LTF: variants seen among roughly 807,000 people sequenced by gnomAD.
LTF encodes lactotransferrin, also known as epididymis luminal protein 110.
LTF carries 91 observed loss-of-function variants against 87.2 expected under a neutral mutation model. The observed-to-expected ratio is 1.04, with a 90% CI of 0.88 to 1.24. The LOEUF is 1.24. Ranked by LOEUF, LTF falls within the 50% of genes most tolerant of loss-of-function variation. The pLI, the probability that LTF is intolerant of heterozygous loss-of-function variation, is 0.00. For missense variants in LTF, 901 were observed against 904.3 expected (o/e 1.00, Z 0.05); for synonymous variants, 378 against 356.1 (o/e 1.06, Z -0.69).
At chr3:46,483,190 G>C (rs1403372271) in intron 1 of LTF, among the ~76,000 whole-genome samples, 1 of 152,176 alleles carries the variant, frequency 6.6e-6, no homozygotes, top group Admixed American at 6.5e-5. Flanking sequence ...AAATCAGAAT[G>C]GGGGAAAATT....
chr3:46,456,321 A>G lies in LTF; in HGVS notation c.285T>C (p.Pro95=). ...EAGLAPYKLR[P]VAAEVYGTER... ...CGGTCCCGTAGACTTCCGCCGCTAC[A>G]GGTCGCAGTTTGTAGGGGGCCAGGC... The change falls in exon 3 of 17, where the codon CCT becomes CCC. Residue 95 remains proline, a synonymous_variant. Transcript: ENST00000231751. 7.4e-6 allele frequency: 12 copies of G among 1,614,118 alleles called. No individual in the cohort carries two copies. The highest frequency in any genetic ancestry group is 1.0e-5 in the Non-Finnish European group (12 of 1,180,002).
At position 46,441,176 on chromosome 3, in the gene LTF, A is replaced by AGTGTGT. The variant is rs35012752; in HGVS notation, c.1723+234_1723+239dup. ...GCTAGTATCTGTGTGTGTGAGAGTG[A>AGTGTGT]GTGTGTGTGTGTGTGTGAGAGAAAG... On this transcript the variant is annotated intron_variant, in intron 14 of 16. Coordinates refer to ENST00000231751, the MANE Select transcript of LTF (RefSeq NM_002343.6). Among the ~76,000 whole-genome samples the AGTGTGT allele has an allele frequency of 4.8e-3, 698 of 145,076 alleles. 5 individuals are homozygous for AGTGTGT. The highest frequency in any genetic ancestry group is 0.016 in the African/African-American group (642 of 40,430).
upstream of LTF, among the ~76,000 whole-genome samples, chr3:46,465,853 C>T (rs1703200890): frequency 6.6e-6 from 1 of 152,226 alleles, no homozygotes; most frequent in East Asian, 1.9e-4. Context: ...AAACATCCAT[C>T]TCTAGGGGAG....
At chr3:46,456,059 G>A in intron 3 of LTF, 81 bp from the exon 4 acceptor site, 1 of 1,282,116 alleles carries the variant, frequency 7.8e-7, no homozygotes, top group South Asian at 1.5e-5. Context: ...AGTCTCCGGT[G>A]GGAAGGGGGA....
chr3:46,452,109 A>G (rs965057672), intron 6 of LTF, among the ~76,000 whole-genome samples: 5 of 152,238 alleles, frequency 3.3e-5, no homozygotes, highest in Non-Finnish European at 4.4e-5. Flanking sequence ...TAAAAAGATG[A>G]TATCGTCATC....
At position 46,449,861 on chromosome 3, in the gene LTF, C is replaced by A. The variant is rs377433274; in HGVS notation, c.1050G>T (p.Leu350Phe). The A allele has an allele frequency of 4.3e-6, 7 of 1,613,946 alleles. No individual in the cohort carries two copies. In the African/African-American group the frequency reaches 9.3e-5, roughly 22 times the overall value. Residue 350 changes from leucine (L) to phenylalanine (F), a missense_variant, in exon 8 of 17, where the codon TTG becomes TTT. Physicochemically the swap from Leu to Phe is conservative, Grantham distance 22. Coordinates refer to ENST00000231751, the MANE Select transcript of LTF (RefSeq NM_002343.6). ...GSGYFTAIQNLRKSEEEVAAR... is the reference protein window; with the variant it reads ...GSGYFTAIQNFRKSEEEVAAR... ...CCTCCTGGGCTCACTCACTTTTCCT[C>A]AAGTTCTGGATGGCAGTGAAGTAGC...
chr3:46,445,511 T>TA (rs1702631879), intron 11 of LTF, 75 bp from the exon 12 acceptor site: 1 of 1,432,432 alleles, frequency 7.0e-7, no homozygotes, highest in African/African-American at 1.4e-5. Flanking sequence ...TGGAGCTGTC[T>TA]ACAGCCCAGG....
chr3:46,443,994 T>G (rs561608169), intron 12 of LTF, among the ~76,000 whole-genome samples: 6 of 152,324 alleles, frequency 3.9e-5, no homozygotes, highest in African/African-American at 1.4e-4. Context: ...GTATAAAGAC[T>G]AGACTTATCA....
intron 1 of LTF, among the ~76,000 whole-genome samples, chr3:46,478,193 C>T (rs542151044): frequency 2.6e-5 from 4 of 152,292 alleles, no homozygotes; most frequent in South Asian, 2.1e-4. Context: ...GCCCTCTTCC[C>T]GCCCCACTGC....
chr3:46,465,620 T>C (rs949170346), upstream of LTF, among the ~76,000 whole-genome samples: 1 of 152,208 alleles, frequency 6.6e-6, no homozygotes, highest in Non-Finnish European at 1.5e-5. Context: ...TTTTGTCTTT[T>C]TTTTCTCCAT....
chr3:46,460,911 A>G (rs936691813), intron 1 of LTF, among the ~76,000 whole-genome samples: 4 of 152,250 alleles, frequency 2.6e-5, no homozygotes, highest in Non-Finnish European at 5.9e-5. Flanking sequence ...ATATTTTTGC[A>G]TACAGCACAG....
rs1294658617 is a variant in LTF, at chr3:46,456,041, T to C, written c.317-63A>G. ...GGACAAGAGGGACAAAAACAACCCA[T>C]CCTGAAAAGTCTCCGGTGGGAAGGG... On this transcript the variant is annotated intron_variant, in intron 3 of 16. Transcript: ENST00000231751. 19 of 1,409,258 alleles carry C rather than the reference T, an allele frequency of 1.3e-5. No homozygotes were observed. The Admixed American group carries it at 2.3e-4, about 17-fold the overall frequency. 87.3% of individuals were successfully genotyped at this position (1,409,258 alleles called of 1,614,324 possible).
intron 1 of LTF, among the ~76,000 whole-genome samples, chr3:46,475,774 A>C (rs915386473): frequency 6.6e-6 from 1 of 152,152 alleles, no homozygotes; most frequent in African/African-American, 2.4e-5. Context: ...CCCAAAGAAC[A>C]CTCATGTAAC....
intron 3 of LTF, 93 bp from the exon 4 acceptor site, chr3:46,456,071 T>A (rs1702922168): frequency 6.6e-6 from 8 of 1,209,110 alleles, no homozygotes; most frequent in Non-Finnish European, 9.1e-6. Flanking sequence ...GAAGGGGGAA[T>A]GCTGTGCTGC....
chr3:46,459,535 C>T (rs1475932981), intron 2 of LTF, 121 bp downstream of exon 2: 1 of 971,520 alleles, frequency 1.0e-6, no homozygotes, highest in East Asian at 3.0e-5. Flanking sequence ...GAGGACGGCT[C>T]CCCACTTCGT....
upstream of LTF, chr3:46,469,619 GGGA>G (rs2106915708): frequency 6.5e-6 from 1 of 152,880 alleles, no homozygotes; most frequent in South Asian, 2.1e-4. Flanking sequence ...CAGAGAATGG[GGGA>G]GAAGGAGAAA....
At chr3:46,447,446 G>A (rs375159896) in intron 9 of LTF, 48 bp from the exon 10 acceptor site, 381 of 1,276,786 alleles carry the variant, frequency 3.0e-4, no homozygotes, top group Non-Finnish European at 3.9e-4. Context: ...GCTGCATCCC[G>A]TCCTGCCTGT....
At chr3:46,443,171 G>C (rs960939189) in intron 13 of LTF, among the ~76,000 whole-genome samples, 4 of 152,216 alleles carry the variant, frequency 2.6e-5, no homozygotes, top group Admixed American at 2.6e-4. Context: ...TCAGGACGAG[G>C]CTATTGAGGC....
upstream of LTF, among the ~76,000 whole-genome samples, chr3:46,467,088 C>G (rs9821919): frequency 2.6e-5 from 4 of 152,164 alleles, no homozygotes; most frequent in African/African-American, 9.7e-5. Flanking sequence ...CAGCCCAGCC[C>G]CAGGGCAGGG....
Sources: allele counts gnomAD v4.1 joint callset (sites outside exome capture counted in the v4.1 genomes callset), GRCh38; gene constraint gnomAD v4.1.1; transcripts MANE v1.5; gene names NCBI Gene and HGNC (gene_info 2026-07-23, HGNC 2026-07-21).